The following SLC9A7 variants were observed in gnomAD, a reference collection of about 807,000 sequenced individuals.
The protein encoded by SLC9A7 is sodium/hydrogen exchanger 7.
SLC9A7 carries 19 observed loss-of-function variants against 52.6 expected under a neutral mutation model. That is an observed-to-expected ratio of 0.36 (90% CI 0.25 to 0.53). The LOEUF is 0.53. Among genes scored for constraint, SLC9A7 ranks in the 20% least tolerant of loss-of-function variants. The probability of loss-of-function intolerance (pLI) is 0.91; values close to 1 mark genes in which losing one functional copy is unlikely to be tolerated. For missense variants in SLC9A7, 455 were observed against 597.9 expected (o/e 0.76, Z 2.49); for synonymous variants, 226 against 252.1 (o/e 0.90, Z 0.98).
rs759968054 is a variant in SLC9A7 at position 46,603,313 on chromosome X, A to C, written c.*3639T>G. The C allele has an allele frequency of 8.9e-6, 1 of 112,168 alleles. No homozygotes were observed. The highest frequency in any genetic ancestry group is 1.9e-5 in the Non-Finnish European group (1 of 53,225). The allele number at this position is 112,168 out of a possible 1,213,427, so 9.2% of individuals were successfully genotyped here. A position where few individuals can be genotyped will look rare whatever the true frequency, so the allele number is the denominator to read the frequency against. ...TCCCTGTTTCCCCTGTCATCTCCACACAGGAAAACCCTGATGGGAAGCCCA... is the reference window on the plus strand; with the variant it reads ...TCCCTGTTTCCCCTGTCATCTCCACCCAGGAAAACCCTGATGGGAAGCCCA... On this transcript the variant is annotated 3_prime_UTR_variant, in exon 17 of 17. Coordinates refer to ENST00000616978, the MANE Select transcript of SLC9A7 (RefSeq NM_001257291.2).
At chrX:46,666,197 C>T (rs951371850) in intron 5 of SLC9A7, among the ~76,000 whole-genome samples, 1 of 111,930 alleles carries the variant, frequency 8.9e-6, no homozygotes, top group African/African-American at 3.2e-5. Flanking sequence ...GCCTCAAACT[C>T]CTGGGCTCAA....
chrX:46,735,706 GTCTT>G (rs1173937954), intron 1 of SLC9A7, among the ~76,000 whole-genome samples: 1 of 111,401 alleles, frequency 9.0e-6, no homozygotes, highest in Non-Finnish European at 1.9e-5. Flanking sequence ...GTCTCAAAAA[GTCTT>G]TTTTCTTCTT....
At chrX:46,673,693 C>T (rs1182926353) in intron 3 of SLC9A7, among the ~76,000 whole-genome samples, 1 of 112,035 alleles carries the variant, frequency 8.9e-6, no homozygotes, top group African/African-American at 3.2e-5. Context: ...AAGAAGAACC[C>T]AGCCTAGATC....
chrX:46,677,709 C>G (rs1160416371), intron 3 of SLC9A7, among the ~76,000 whole-genome samples: 1 of 112,227 alleles, frequency 8.9e-6, no homozygotes, highest in African/African-American at 3.2e-5. Context: ...AAAACCCAGC[C>G]TGATGGGCCG....
Position 46,711,899 on chromosome X carries a change from TACACACACACAC to T in SLC9A7, c.326-29376_326-29365del, listed in dbSNP as rs57570264. Among the ~76,000 whole-genome samples, 107 of 91,178 alleles carry T rather than the reference TACACACACACAC, an allele frequency of 1.2e-3. 1 individual carries two copies. The highest frequency in any genetic ancestry group is 3.8e-3 in the African/African-American group (87 of 23,073). 79.2% of individuals were successfully genotyped at this position (91,178 alleles called of 115,157 possible). The stretch of plus-strand genomic sequence containing the variant: ...CCCTTTAACGGCACAGCCTCTAAAT[TACACACACACAC>T]ACACACACACACACACACACACACA... On this transcript the variant is annotated intron_variant, in intron 1 of 16. Transcript: ENST00000616978.
chrX:46,614,401 T>C (rs1454512275), intron 15 of SLC9A7, among the ~76,000 whole-genome samples: 3 of 111,529 alleles, frequency 2.7e-5, no homozygotes, highest in African/African-American at 9.8e-5. Flanking sequence ...AAAAACAGGA[T>C]GGTTGTATGG....
At chrX:46,684,856 T>TG (rs1309026196) in intron 1 of SLC9A7, 1 of 129,637 alleles carries the variant, frequency 7.7e-6, no homozygotes, top group East Asian at 2.4e-4. Flanking sequence ...TAACTGAAGT[T>TG]GGGGGGTGCC....
chrX:46,664,786 C>G (rs972325150), intron 5 of SLC9A7, among the ~76,000 whole-genome samples: 9 of 109,959 alleles, frequency 8.2e-5, no homozygotes, highest in African/African-American at 3.0e-4. Context: ...GGGTCTTGCT[C>G]TGTTGCCCAG....
intron 15 of SLC9A7, among the ~76,000 whole-genome samples, chrX:46,618,048 AG>A (rs1418226273): frequency 4.5e-5 from 5 of 111,413 alleles, no homozygotes; most frequent in Non-Finnish European, 7.5e-5. Flanking sequence ...GGCAGTGAAG[AG>A]GGGTGGAATT....
At chrX:46,754,600 T>C (rs1556290686) in intron 1 of SLC9A7, among the ~76,000 whole-genome samples, 1 of 111,956 alleles carries the variant, frequency 8.9e-6, no homozygotes, top group Non-Finnish European at 1.9e-5. Flanking sequence ...CAGGCTGTGC[T>C]TAGCAATCCA....
intron 7 of SLC9A7, among the ~76,000 whole-genome samples, chrX:46,661,322 T>C (rs1202290467): frequency 9.1e-6 from 1 of 110,166 alleles, no homozygotes; most frequent in Non-Finnish European, 1.9e-5. Flanking sequence ...TGTATACATA[T>C]GTAACTAACC....
intron 1 of SLC9A7, among the ~76,000 whole-genome samples, chrX:46,693,898 C>CA (rs1320349040): frequency 9.1e-6 from 1 of 110,107 alleles, no homozygotes; most frequent in Admixed American, 9.8e-5. Context: ...AAAAAAATTG[C>CA]AACGTGGATG....
At chrX:46,661,944 A>T in intron 7 of SLC9A7, 72 bp downstream of exon 7, 1 of 961,975 alleles carries the variant, frequency 1.0e-6, no homozygotes, top group Non-Finnish European at 1.4e-6. Context: ...AGAACAGCTG[A>T]GAACTTTCTT....
chrX:46,615,418 G>A (rs912849512), intron 15 of SLC9A7, among the ~76,000 whole-genome samples: 1 of 110,870 alleles, frequency 9.0e-6, no homozygotes, highest in Admixed American at 9.6e-5. Flanking sequence ...CAGACCAGGC[G>A]CTCCTCCAAT....
At chrX:46,655,233 C>G (rs1297706017) in intron 7 of SLC9A7, among the ~76,000 whole-genome samples, 1 of 111,328 alleles carries the variant, frequency 9.0e-6, no homozygotes, top group Non-Finnish European at 1.9e-5. Flanking sequence ...GATCTGCCCA[C>G]CCTGGCCTTC....
chrX:46,708,879 A>G (rs767110381), intron 1 of SLC9A7, among the ~76,000 whole-genome samples: 31 of 112,020 alleles, frequency 2.8e-4, no homozygotes, highest in African/African-American at 9.1e-4. Context: ...TTTGTTGAGC[A>G]GCTTACCATA....
rs750118301 is a variant in SLC9A7, at chrX:46,651,083, GA to G, written c.1350+26del. ...CCAACAGTGGTCGTCTCTGCATGTA[GA>G]AAATGGTGGAACAAGAAAAGGATAC... On this transcript the variant is annotated intron_variant, in intron 10 of 16. Coordinates refer to ENST00000616978, the MANE Select transcript of SLC9A7 (RefSeq NM_001257291.2). The G allele has an allele frequency of 5.6e-6, 6 of 1,066,321 alleles. No homozygotes were observed. The East Asian group carries it at 1.8e-4, about 32-fold the overall frequency. The allele number at this position is 1,066,321 out of a possible 1,213,427, so 87.9% of individuals were successfully genotyped here.
chrX:46,732,342 A>G (rs370530152), intron 1 of SLC9A7, among the ~76,000 whole-genome samples: 9 of 111,365 alleles, frequency 8.1e-5, no homozygotes, highest in African/African-American at 2.9e-4. Flanking sequence ...ACCTGAGGTC[A>G]GGAGTTCGAG....
intron 1 of SLC9A7, among the ~76,000 whole-genome samples, chrX:46,757,748 G>A (rs1480218701): frequency 4.5e-5 from 3 of 66,739 alleles, no homozygotes; most frequent in Non-Finnish European, 7.8e-5. Context: ...GGCAGGGCGA[G>A]GGGGGAGGCA....
Sources: gnomAD v4.1 joint callset for allele counts (sites outside exome capture counted in the v4.1 genomes callset) on GRCh38, gnomAD v4.1.1 for gene constraint, MANE v1.5 for transcripts, NCBI Gene and HGNC (gene_info 2026-07-23, HGNC 2026-07-21) for gene names.